TENM4: variants seen among roughly 807,000 people sequenced by gnomAD.
The protein encoded by TENM4 is teneurin-4.
In TENM4, 82 loss-of-function variants were observed where a neutral mutation model predicts 243.3. The observed-to-expected ratio is 0.34, with a 90% CI of 0.28 to 0.40. The LOEUF is 0.40. Among genes scored for constraint, TENM4 ranks in the 10% least tolerant of loss-of-function variants. The pLI is 1.00. For missense variants in TENM4, 3,138 were observed against 3,673.3 expected (o/e 0.85, Z 3.77); for synonymous variants, 1,412 against 1,456.3 (o/e 0.97, Z 0.69).
chr11:79,366,244 G>C (rs1857674956), intron 1 of TENM4, among the ~76,000 whole-genome samples: 2 of 152,196 alleles, frequency 1.3e-5, no homozygotes. Context: ...GAGCCTTCCA[G>C]TCCTTCTCCA....
rs1043267700 is a variant in TENM4 at position 78,654,834 on chromosome 11, T to C, written c.*3224A>G. ...GGGGTGGGATAAAAAGGAAATCTCA[T>C]CCTACAAAAAAACAAAGTTGGGGAA... On this transcript the variant is annotated 3_prime_UTR_variant, in exon 34 of 34. Transcript: ENST00000278550. 1 of 152,116 alleles carries C rather than the reference T, an allele frequency of 6.6e-6. No homozygotes were observed. The highest frequency in any genetic ancestry group is 1.5e-5 in the Non-Finnish European group (1 of 68,044). The allele number at this position is 152,116 out of a possible 1,614,324, so 9.4% of individuals were successfully genotyped here. A position where few individuals can be genotyped will look rare whatever the true frequency, so the allele number is the denominator to read the frequency against.
chr11:78,787,186 C>A, intron 15 of TENM4, 103 bp from the exon 16 acceptor site: 1 of 1,342,198 alleles, frequency 7.5e-7, no homozygotes. Context: ...AAGTATTGAG[C>A]AAGTTATTGT....
chr11:79,421,236 T>A (rs1276659379), intron 1 of TENM4, among the ~76,000 whole-genome samples: 1 of 152,122 alleles, frequency 6.6e-6, no homozygotes, highest in Non-Finnish European at 1.5e-5. Context: ...TGTCTATATG[T>A]TTTCATAAAT....
intron 1 of TENM4, among the ~76,000 whole-genome samples, chr11:79,324,180 T>C (rs1013080736): frequency 2.6e-5 from 4 of 152,176 alleles, no homozygotes; most frequent in South Asian, 4.1e-4. Context: ...TCATTATTTT[T>C]ATTGTTGTGT....
In TENM4 at chr11:78,658,579, T is replaced by C. The variant is rs760685813; in HGVS notation, c.7789A>G (p.Ile2597Val). 8 of 1,613,908 alleles carry C rather than the reference T, an allele frequency of 5.0e-6. No homozygotes were observed. Among genetic ancestry groups the C allele is most frequent in the Non-Finnish European group, 5.9e-6 (7 of 1,179,888 alleles). The change falls in exon 34 of 34, where the codon ATC (isoleucine) becomes GTC (valine). Residue 2597 changes from isoleucine (I) to valine (V), a missense_variant. This residue lies in a region of TENM4 where 2,467 missense variants were observed against 3,059.1 expected (regional missense o/e 0.81). Transcript: ENST00000278550. ...TCTAGGTAGTGGGCATGGTTCAAGA[T>C]GGCAGCAACCCTTCGCCCATCCTCA... ...ANEDGRRVAAILNHAHYLENL... is the reference protein window; with the variant it reads ...ANEDGRRVAAVLNHAHYLENL...
At chr11:79,117,906 C>A (rs1341712641) in intron 4 of TENM4, among the ~76,000 whole-genome samples, 1 of 152,172 alleles carries the variant, frequency 6.6e-6, no homozygotes, top group Admixed American at 6.5e-5. Context: ...TCCCTTCAGA[C>A]ATACCTGCGC....
chr11:79,226,916 A>G (rs995129513), intron 2 of TENM4, among the ~76,000 whole-genome samples: 3 of 152,302 alleles, frequency 2.0e-5, no homozygotes, highest in Middle Eastern at 3.4e-3. Flanking sequence ...GGGAGTGCGC[A>G]GGCTGAATGG....
In TENM4 at chr11:79,205,009, T is replaced by A. The variant is rs79419714; in HGVS notation, c.-163+10799A>T. 5.2e-3 allele frequency among the ~76,000 whole-genome samples: 789 copies of A among 152,338 alleles called. 12 individuals carry two copies. Among genetic ancestry groups the A allele is most frequent in the East Asian group, 0.037 (193 of 5,182 alleles). ...TACATATGTAGTAAAAGTACAGAAT[T>A]GTGTGGGAATGAGCAATACTAAATT... On this transcript the variant is annotated intron_variant, in intron 3 of 33. Coordinates refer to ENST00000278550, the MANE Select transcript of TENM4 (RefSeq NM_001098816.3).
At chr11:79,319,654 C>T (rs1856856485) in intron 1 of TENM4, among the ~76,000 whole-genome samples, 1 of 152,028 alleles carries the variant, frequency 6.6e-6, no homozygotes, top group Admixed American at 6.6e-5. Flanking sequence ...ATAACAAATG[C>T]TTTTCCTTTA....
At chr11:79,130,600 G>A (rs1861983070) in intron 4 of TENM4, among the ~76,000 whole-genome samples, 1 of 152,182 alleles carries the variant, frequency 6.6e-6, no homozygotes, top group Non-Finnish European at 1.5e-5. Context: ...AAGGCGGGTG[G>A]ATCACGAGAT....
intron 6 of TENM4, among the ~76,000 whole-genome samples, chr11:79,054,510 T>C (rs555655647): frequency 2.9e-4 from 44 of 152,152 alleles, no homozygotes; most frequent in Middle Eastern, 3.4e-3. Flanking sequence ...ATCTTTTTTT[T>C]TTTTTTGAGA....
At chr11:79,019,932 C>T (rs191596504) in intron 6 of TENM4, among the ~76,000 whole-genome samples, 1 of 152,156 alleles carries the variant, frequency 6.6e-6, no homozygotes, top group Non-Finnish European at 1.5e-5. Context: ...AGACAGGTGC[C>T]AAGGCCTTCA....
intron 6 of TENM4, among the ~76,000 whole-genome samples, chr11:78,980,588 A>G (rs1484283697): frequency 6.6e-6 from 1 of 152,240 alleles, no homozygotes. Flanking sequence ...ATTAATATCA[A>G]CAATAGTAAC....
chr11:79,101,811 T>C (rs1861239597), intron 4 of TENM4, among the ~76,000 whole-genome samples: 1 of 152,196 alleles, frequency 6.6e-6, no homozygotes, highest in Non-Finnish European at 1.5e-5. Context: ...ATGTTATAAC[T>C]GGGCATAACT....
chr11:79,405,861 A>AC (rs1159705276), intron 1 of TENM4, among the ~76,000 whole-genome samples: 18 of 151,624 alleles, frequency 1.2e-4, no homozygotes, highest in African/African-American at 3.1e-4. Context: ...AAAAAAAAAA[A>AC]AAAAAAAAAA....
Position 79,366,959 on chromosome 11 carries a change from C to A in TENM4, c.-320-69416G>T, listed in dbSNP as rs527495996. On this transcript the variant is annotated intron_variant, in intron 1 of 33. Coordinates refer to ENST00000278550, the MANE Select transcript of TENM4 (RefSeq NM_001098816.3). ...TTCACAGCTCCCATTTGAGACTTAT[C>A]AATATTTTCTTCCTCCTTGGATCAG... Among the ~76,000 whole-genome samples the A allele has an allele frequency of 2.5e-4, 38 of 152,316 alleles. 1 individual carries two copies. The South Asian group carries it at 7.5e-3, about 30-fold the overall frequency.
rs2098362531 is a variant in TENM4, at chr11:78,891,238, C to G, written c.848G>C (p.Gly283Ala). 1 of 1,551,460 alleles carries G rather than the reference C, an allele frequency of 6.4e-7. No homozygotes were observed. Among genetic ancestry groups the G allele is most frequent in the Admixed American group, 2.0e-5 (1 of 50,988 alleles). Reference sequence around the variant, plus strand: ...AGAGGAGAATGGGGATGTCACCTACCCGTCACTGTAAGCCCCATCATGGCG... The same window carrying G: ...AGAGGAGAATGGGGATGTCACCTACGCGTCACTGTAAGCCCCATCATGGCG... ...ASRHDGAYSD[G>A]HFLFKPGGTS... is the part of the protein sequence containing the mutation. The change falls in exon 8 of 34, where the codon GGG (glycine) becomes GCG (alanine). Residue 283 changes from glycine to alanine, a missense_variant and splice_region_variant. By Grantham distance (60) the Gly-to-Ala change is moderately conservative. Coordinates refer to ENST00000278550, the MANE Select transcript of TENM4 (RefSeq NM_001098816.3).
intron 9 of TENM4, among the ~76,000 whole-genome samples, chr11:78,881,276 T>C (rs1175231183): frequency 6.6e-6 from 1 of 152,102 alleles, no homozygotes; most frequent in East Asian, 1.9e-4. Context: ...CTCTCTATCC[T>C]TTTTCACCCT....
At chr11:78,688,265 A>G (rs768614539) in intron 28 of TENM4, 39 bp from the exon 29 acceptor site, 1 of 1,585,578 alleles carries the variant, frequency 6.3e-7, no homozygotes, top group Non-Finnish European at 8.6e-7. Context: ...TAGAAATATA[A>G]TGGTGCTCTA....
Sources: allele counts gnomAD v4.1 joint callset (sites outside exome capture counted in the v4.1 genomes callset), GRCh38; gene constraint gnomAD v4.1.1; regional missense constraint gnomAD v4.1.1; transcripts MANE v1.5; gene names NCBI Gene and HGNC (gene_info 2026-07-23, HGNC 2026-07-21).